LRP1B: variants seen among roughly 807,000 people sequenced by gnomAD.
LRP1B encodes LDL receptor related protein 1B.
Under a neutral mutation model 556.6 loss-of-function variants are expected in LRP1B, and 217 were observed. The observed-to-expected ratio is 0.39, with a 90% CI of 0.35 to 0.44. The LOEUF is 0.44. LRP1B is among the 20% of genes least tolerant of loss of function. The pLI is 1.00. For synonymous variants in LRP1B, 2,047 were observed against 1,865.8 expected (o/e 1.10, Z -2.50); for missense variants, 5,053 against 5,620.8 (o/e 0.90, Z 3.23).
chr2:141,551,208 A>G (rs937190006), intron 2 of LRP1B, among the ~76,000 whole-genome samples: 2 of 152,048 alleles, frequency 1.3e-5, no homozygotes, highest in Non-Finnish European at 2.9e-5. Flanking sequence ...GTGATAATTG[A>G]AATAAAATAA....
At chr2:141,630,398 T>C (rs1182381126) in intron 2 of LRP1B, among the ~76,000 whole-genome samples, 1 of 152,228 alleles carries the variant, frequency 6.6e-6, no homozygotes, top group Non-Finnish European at 1.5e-5. Flanking sequence ...GGGAATTCTT[T>C]AACTGGCTTT....
intron 1 of LRP1B, among the ~76,000 whole-genome samples, chr2:142,074,986 C>T (rs1287792194): frequency 1.3e-5 from 2 of 152,044 alleles, no homozygotes; most frequent in East Asian, 1.9e-4. Context: ...TAGCTCCCTG[C>T]GATTATACCT....
At chr2:141,919,643 C>A (rs1011542839) in intron 1 of LRP1B, among the ~76,000 whole-genome samples, 2 of 151,908 alleles carry the variant, frequency 1.3e-5, no homozygotes, top group Admixed American at 1.3e-4. Context: ...GTTCTCACAG[C>A]AATATTTTTT....
At chr2:141,187,853 A>AG (rs1681325400) in intron 7 of LRP1B, among the ~76,000 whole-genome samples, 1 of 151,992 alleles carries the variant, frequency 6.6e-6, no homozygotes, top group Non-Finnish European at 1.5e-5. Flanking sequence ...GTTAAAAAAA[A>AG]AAGAAGATGA....
chr2:140,767,125 C>T lies in LRP1B; in HGVS notation c.5758+2088G>A, dbSNP rs1051824821. On this transcript the variant is annotated intron_variant, in intron 35 of 90. Transcript: ENST00000389484. ...GTGGCTAAACTCTGGTTTCTTCCAA[C>T]TATGTTTCACTGGCCTGTAGATCTC... Among the ~76,000 whole-genome samples the T allele has an allele frequency of 2.6e-5, 4 of 151,860 alleles. No individual in the cohort carries two copies. The East Asian group carries it at 7.8e-4, about 29-fold the overall frequency.
chr2:141,516,091 C>A (rs1398428232), intron 2 of LRP1B, among the ~76,000 whole-genome samples: 1 of 152,140 alleles, frequency 6.6e-6, no homozygotes, highest in African/African-American at 2.4e-5. Flanking sequence ...CTTCAATTAT[C>A]ATTACAGAGA....
intron 4 of LRP1B, among the ~76,000 whole-genome samples, chr2:141,253,510 C>T (rs1156313945): frequency 6.6e-6 from 1 of 152,064 alleles, no homozygotes; most frequent in Non-Finnish European, 1.5e-5. Context: ...CAGGATAAGA[C>T]TAAGTGGGCT....
chr2:142,108,391 A>G (rs1706834171), intron 1 of LRP1B, among the ~76,000 whole-genome samples: 1 of 150,036 alleles, frequency 6.7e-6, no homozygotes. Context: ...GTTATCCACT[A>G]AGAGTGTAAT....
chr2:140,968,254 C>T (rs1696295024), intron 18 of LRP1B, among the ~76,000 whole-genome samples: 1 of 151,640 alleles, frequency 6.6e-6, no homozygotes, highest in South Asian at 2.1e-4. Context: ...CTGGTTTAGT[C>T]TTGGGAGGGT....
chr2:140,793,682 TA>T, intron 32 of LRP1B, among the ~76,000 whole-genome samples: 1 of 151,962 alleles, frequency 6.6e-6, no homozygotes, highest in Non-Finnish European at 1.5e-5. Flanking sequence ...CACTTAAAAA[TA>T]AAAACATGTA....
At chr2:141,331,728 TG>T (rs1419912830) in intron 3 of LRP1B, among the ~76,000 whole-genome samples, 1 of 152,132 alleles carries the variant, frequency 6.6e-6, no homozygotes, top group Non-Finnish European at 1.5e-5. Flanking sequence ...TGTACTGTAA[TG>T]TCTTTGGAAA....
At chr2:141,407,337 C>T (rs1424939042) in intron 3 of LRP1B, among the ~76,000 whole-genome samples, 1 of 151,876 alleles carries the variant, frequency 6.6e-6, no homozygotes, top group Non-Finnish European at 1.5e-5. Flanking sequence ...ACATGTGATC[C>T]TCATAGTAAA....
At chr2:141,855,491 G>A (rs79782975) in intron 1 of LRP1B, among the ~76,000 whole-genome samples, 2,893 of 152,222 alleles carry the variant, frequency 0.019, 74 homozygotes, top group South Asian at 0.062. Flanking sequence ...AATGTTCAAT[G>A]TAATCTGCCA....
At chr2:141,284,943 T>C (rs547522226) in intron 3 of LRP1B, among the ~76,000 whole-genome samples, 2 of 152,098 alleles carry the variant, frequency 1.3e-5, no homozygotes, top group Non-Finnish European at 2.9e-5. Flanking sequence ...TCTAGGTCCT[T>C]TGCATTTCCA....
chr2:140,585,484 C>T (rs550111437), intron 43 of LRP1B, among the ~76,000 whole-genome samples: 2 of 152,150 alleles, frequency 1.3e-5, no homozygotes, highest in East Asian at 3.9e-4. Flanking sequence ...AGATGTGGCA[C>T]CATCTTCTTA....
intron 47 of LRP1B, among the ~76,000 whole-genome samples, chr2:140,532,951 C>CT (rs1690781493): frequency 2.2e-5 from 1 of 45,490 alleles, no homozygotes; most frequent in African/African-American, 6.4e-5. Context: ...TATATATACA[C>CT]ATATATATCT....
At chr2:140,738,959 C>T (rs1471171407) in intron 35 of LRP1B, among the ~76,000 whole-genome samples, 1 of 152,092 alleles carries the variant, frequency 6.6e-6, no homozygotes, top group Non-Finnish European at 1.5e-5. Context: ...ATAGAAACAG[C>T]AATACGGGGT....
intron 1 of LRP1B, among the ~76,000 whole-genome samples, chr2:141,902,605 A>G (rs1166847927): frequency 6.6e-6 from 1 of 151,976 alleles, no homozygotes; most frequent in Non-Finnish European, 1.5e-5. Flanking sequence ...CTTCATACCT[A>G]CTGTCTAATG....
chr2:140,713,190 T>C (rs1249055925), intron 37 of LRP1B, among the ~76,000 whole-genome samples: 1 of 152,102 alleles, frequency 6.6e-6, no homozygotes, highest in African/African-American at 2.4e-5. Flanking sequence ...AAAGATCCCA[T>C]AACTTCCCAG....
Sources: allele counts gnomAD v4.1 joint callset (sites outside exome capture counted in the v4.1 genomes callset), GRCh38; gene constraint gnomAD v4.1.1; transcripts MANE v1.5; gene names NCBI Gene and HGNC (gene_info 2026-07-23, HGNC 2026-07-21).